AMPH: variants seen among roughly 807,000 people sequenced by gnomAD.
The protein encoded by AMPH is amphiphysin (Stiff-Mann syndrome with breast cancer 128kD autoantigen).
AMPH carries 49 observed loss-of-function variants against 99.1 expected under a neutral mutation model. The observed-to-expected ratio is 0.49, with a 90% CI of 0.39 to 0.63. The LOEUF is 0.63. AMPH is among the 20% of genes least tolerant of loss of function. AMPH has a pLI of 0.00. For synonymous variants in AMPH, 314 were observed against 317.3 expected, an observed-to-expected ratio of 0.99 and a Z score of 0.11; for missense variants, 759 against 863.4, an observed-to-expected ratio of 0.88 and a Z score of 1.52.
intron 11 of AMPH, among the ~76,000 whole-genome samples, chr7:38,441,434 A>T (rs1786500242): frequency 6.6e-6 from 1 of 152,120 alleles, no homozygotes; most frequent in African/African-American, 2.4e-5. Flanking sequence ...ATTCTTTTCA[A>T]GTGCACATGG....
intron 17 of AMPH, among the ~76,000 whole-genome samples, chr7:38,413,675 T>C (rs1217836172): frequency 6.6e-6 from 1 of 152,066 alleles, no homozygotes; most frequent in Non-Finnish European, 1.5e-5. Flanking sequence ...GGAACATCCA[T>C]CTCCAAGGTT....
At chr7:38,613,804 C>CAA (rs71558128) in intron 1 of AMPH, among the ~76,000 whole-genome samples, 59,405 of 144,542 alleles carry the variant, frequency 0.41, 12,577 homozygotes, top group Admixed American at 0.47. Context: ...GAATAAAAGC[C>CAA]AAAAAAAAAA....
At chr7:38,400,787 G>A (rs2128979418) in intron 17 of AMPH, among the ~76,000 whole-genome samples, 1 of 152,274 alleles carries the variant, frequency 6.6e-6, no homozygotes, top group East Asian at 1.9e-4. Context: ...AAAGTAGTGT[G>A]TCAATCACGC....
rs559326983 is a variant in AMPH, at chr7:38,484,073, C to G, written c.396+6977G>C. ...ATTAAGAATCATTTGGTCAGAGGAA[C>G]AAAAAGAAAAACAAATGCAAAATAG... On this transcript the variant is annotated intron_variant, in intron 5 of 20. Transcript: ENST00000356264. Among the ~76,000 whole-genome samples, 62 of 151,634 alleles carry G rather than the reference C, an allele frequency of 4.1e-4. 1 individual carries two copies. The highest frequency in any genetic ancestry group is 1.5e-3 in the African/African-American group (61 of 41,364).
At chr7:38,623,066 C>T (rs1303309005) in intron 1 of AMPH, among the ~76,000 whole-genome samples, 2 of 152,172 alleles carry the variant, frequency 1.3e-5, no homozygotes, top group Non-Finnish European at 2.9e-5. Context: ...GGGAAACTCA[C>T]CATGGGTTCC....
chr7:38,538,033 G>T (rs892876315), intron 1 of AMPH, among the ~76,000 whole-genome samples: 1 of 152,130 alleles, frequency 6.6e-6, no homozygotes, highest in African/African-American at 2.4e-5. Context: ...ACTCACATCA[G>T]CAGGCAAAAA....
At chr7:38,397,402 A>G (rs1362929633) in intron 17 of AMPH, among the ~76,000 whole-genome samples, 1 of 152,212 alleles carries the variant, frequency 6.6e-6, no homozygotes, top group African/African-American at 2.4e-5. Flanking sequence ...ATTTGGTTGT[A>G]TAAGATTTTA....
intron 5 of AMPH, 50 bp from the exon 6 acceptor site, chr7:38,477,019 C>A (rs751967424): frequency 1.8e-5 from 28 of 1,539,004 alleles, no homozygotes; most frequent in Non-Finnish European, 2.3e-5. Flanking sequence ...ACATAAGAGT[C>A]TCCCTTTGAC....
chr7:38,490,437 A>T (rs1390826223), intron 5 of AMPH, among the ~76,000 whole-genome samples: 1 of 152,148 alleles, frequency 6.6e-6, no homozygotes, highest in Admixed American at 6.5e-5. Flanking sequence ...ACAATATTCA[A>T]TCCTTCACTT....
chr7:38,417,978 G>C (rs1266863591), intron 16 of AMPH, 28 bp from the exon 17 acceptor site: 1 of 1,605,192 alleles, frequency 6.2e-7, no homozygotes, highest in Admixed American at 1.7e-5. Flanking sequence ...GAGGGTTAGA[G>C]GAAAAAGATT....
chr7:38,428,049 C>T (rs1785850799), intron 14 of AMPH: 1 of 456,578 alleles, frequency 2.2e-6, no homozygotes, highest in South Asian at 1.5e-5. Flanking sequence ...CCTACAATCA[C>T]CTGCTAGTAA....
intron 1 of AMPH, among the ~76,000 whole-genome samples, chr7:38,594,623 G>A (rs1365883291): frequency 1.3e-5 from 2 of 152,060 alleles, no homozygotes; most frequent in African/African-American, 2.4e-5. Flanking sequence ...CCAATGGTTT[G>A]CTTTCAAGAG....
chr7:38,618,968 C>T (rs1793963879), intron 1 of AMPH, among the ~76,000 whole-genome samples: 1 of 152,184 alleles, frequency 6.6e-6, no homozygotes, highest in Non-Finnish European at 1.5e-5. Flanking sequence ...TAACAAAATA[C>T]TGTCTATGAG....
intron 4 of AMPH, among the ~76,000 whole-genome samples, chr7:38,492,370 TA>T (rs1280130957): frequency 6.6e-6 from 1 of 152,192 alleles, no homozygotes; most frequent in Non-Finnish European, 1.5e-5. Context: ...GAAGGCATGC[TA>T]AAAATGGCAA....
chr7:38,454,656 G>T (rs1392934996), intron 11 of AMPH, among the ~76,000 whole-genome samples: 1 of 152,136 alleles, frequency 6.6e-6, no homozygotes, highest in Non-Finnish European at 1.5e-5. Context: ...GCCAATTCAT[G>T]TAAATAATAT....
intron 1 of AMPH, among the ~76,000 whole-genome samples, chr7:38,591,449 G>A (rs6946301): frequency 0.13 from 20,455 of 151,872 alleles, 1,860 homozygotes; most frequent in Admixed American, 0.24. Context: ...CACCATGCCC[G>A]GCTAATTTTG....
chr7:38,440,813 T>TA (rs1480233294), intron 11 of AMPH, among the ~76,000 whole-genome samples: 1 of 151,676 alleles, frequency 6.6e-6, no homozygotes, highest in Non-Finnish European at 1.5e-5. Context: ...TTAAAGAGAA[T>TA]AAAAAATGTT....
intron 7 of AMPH, among the ~76,000 whole-genome samples, chr7:38,469,546 A>C (rs532256473): frequency 6.6e-6 from 1 of 152,228 alleles, no homozygotes; most frequent in Non-Finnish European, 1.5e-5. Context: ...CTTACTATGG[A>C]GATGGAGTAT....
In AMPH at chr7:38,511,689, G is replaced by A. The variant is rs140871137; in HGVS notation, c.151-7985C>T. ...TATGGATTGCCATGAGAATCAAGTA[G>A]ATAATATACAAAACGCTTTCTAAAT... On this transcript the variant is annotated intron_variant, in intron 2 of 20. Transcript: ENST00000356264. Among the ~76,000 whole-genome samples the A allele has an allele frequency of 1.8e-3, 270 of 152,324 alleles. 1 individual carries two copies. Among genetic ancestry groups the A allele is most frequent in the Non-Finnish European group, 2.8e-3 (193 of 68,028 alleles).
Sources: allele counts gnomAD v4.1 joint callset (sites outside exome capture counted in the v4.1 genomes callset), GRCh38; gene constraint gnomAD v4.1.1; transcripts MANE v1.5; gene names NCBI Gene and HGNC (gene_info 2026-07-23, HGNC 2026-07-21).